Variants in TWIST2 observed in about 807,000 individuals in gnomAD.
TWIST2 encodes twist-related protein 2.
A neutral mutation model predicts 11.6 loss-of-function variants in TWIST2; 1 was observed. The ratio of observed to expected loss-of-function variants is 0.09; its 90% CI spans 0.03 to 0.41. The LOEUF is 0.41. TWIST2 is among the 10% of genes least tolerant of loss of function. The pLI is 0.98. For missense variants in TWIST2, 168 were observed against 226.4 expected (o/e 0.74, Z 1.66); for synonymous variants, 87 against 96.6 (o/e 0.90, Z 0.58).
In TWIST2 at chr2:238,848,654, G is replaced by A; in HGVS notation, c.439G>A (p.Val147Met). The change falls in exon 1 of 2, where the codon GTG (valine) becomes ATG (methionine). Residue 147 changes from valine (V) to methionine (M), a missense_variant. This residue lies in a region of TWIST2 where 62 missense variants were observed against 75.3 expected (regional missense o/e 0.82). Transcript: ENST00000612363. ...AHERLSYAFSVWRMEGAWSMS... is the reference protein window; with the variant it reads ...AHERLSYAFSMWRMEGAWSMS... ...CGAGCGCCTCAGCTACGCCTTCTCC[G>A]TGTGGCGCATGGAGGGCGCGTGGTC... The A allele has an allele frequency of 3.3e-6, 5 of 1,536,654 alleles. No homozygotes were observed. Among genetic ancestry groups the A allele is most frequent in the South Asian group, 1.2e-5 (1 of 84,066 alleles).
At chr2:238,884,369 C>A (rs963219926) in intron 1 of TWIST2, among the ~76,000 whole-genome samples, 1 of 152,252 alleles carries the variant, frequency 6.6e-6, no homozygotes, top group Non-Finnish European at 1.5e-5. Flanking sequence ...GCAAGTGGCA[C>A]AGGTGAGGCC....
chr2:238,848,733 G>A lies in TWIST2; in HGVS notation c.*35G>A. The A allele has an allele frequency of 7.1e-7, 1 of 1,409,110 alleles. No individual in the cohort carries two copies. The highest frequency in any genetic ancestry group is 9.2e-7 in the Non-Finnish European group (1 of 1,086,590). The allele number at this position is 1,409,110 out of a possible 1,614,324, so 87.3% of individuals were successfully genotyped here. ...ACCCACCTCCGGACCGGCGCGCCAG[G>A]GTAGGTGCTGCGCGCGCGACGGGCG... is the stretch of plus-strand genomic sequence containing the variant. On this transcript the variant is annotated splice_region_variant and 3_prime_UTR_variant, in exon 1 of 2. Transcript: ENST00000612363.
At chr2:238,878,827 A>C (rs1344398567) in intron 1 of TWIST2, among the ~76,000 whole-genome samples, 1 of 152,182 alleles carries the variant, frequency 6.6e-6, no homozygotes, top group East Asian at 1.9e-4. Flanking sequence ...TTTCAGCTGG[A>C]AACTCAGTGT....
At position 238,903,043 on chromosome 2, in the gene TWIST2, G is replaced by A. The variant is rs1294135663; in HGVS notation, c.*36-6799G>A. Among the ~76,000 whole-genome samples, 284 of 127,316 alleles carry A rather than the reference G, an allele frequency of 2.2e-3. 14 individuals are homozygous for A. The highest frequency in any genetic ancestry group is 4.0e-3 in the Non-Finnish European group (239 of 60,110). The allele number at this position is 127,316 out of a possible 152,430, so 83.5% of individuals were successfully genotyped here. ...GATGTGGGTGTGTGTGATGTGTGAG[G>A]TGTGTGTGATGTGTGTGTGATGTAG... On this transcript the variant is annotated intron_variant, in intron 1 of 1. Coordinates refer to ENST00000612363, the MANE Select transcript of TWIST2 (RefSeq NM_001271893.4).
intron 1 of TWIST2, among the ~76,000 whole-genome samples, chr2:238,883,453 AC>A (rs1312468793): frequency 1.3e-4 from 20 of 152,212 alleles, no homozygotes; most frequent in African/African-American, 4.6e-4. Context: ...TTGACATTAA[AC>A]AGGAAAAATA....
chr2:238,890,110 G>A (rs1345598353), intron 1 of TWIST2, among the ~76,000 whole-genome samples: 2 of 152,232 alleles, frequency 1.3e-5, no homozygotes, highest in East Asian at 1.9e-4. Flanking sequence ...TGGAGAGCGA[G>A]GTTCACCTGG....
rs138414959 is a variant in TWIST2, at chr2:238,853,916, C to T, written c.*35+5183C>T. 2.8e-3 allele frequency among the ~76,000 whole-genome samples: 428 copies of T among 152,290 alleles called. 2 individuals carry two copies. Among genetic ancestry groups the T allele is most frequent in the African/African-American group, 9.8e-3 (409 of 41,550 alleles). On this transcript the variant is annotated intron_variant, in intron 1 of 1. Coordinates refer to ENST00000612363, the MANE Select transcript of TWIST2 (RefSeq NM_001271893.4). ...CTGTGGTGATGAAGATGAGAGAGCG[C>T]GGCTGCGTGAGCTGAGTGCAGTGTC...
intron 1 of TWIST2, chr2:238,886,946 A>C (rs1693048436): frequency 1.3e-5 from 2 of 152,226 alleles, no homozygotes; most frequent in South Asian, 4.1e-4. Flanking sequence ...CCCAGGACAG[A>C]GATGCCACAA....
At chr2:238,855,219 A>G (rs1355714368) in intron 1 of TWIST2, among the ~76,000 whole-genome samples, 2 of 152,228 alleles carry the variant, frequency 1.3e-5, no homozygotes, top group African/African-American at 4.8e-5. Flanking sequence ...ACATAACAGA[A>G]TAAGGCAGTT....
At chr2:238,892,540 G>C (rs1320472257) in intron 1 of TWIST2, among the ~76,000 whole-genome samples, 2 of 152,060 alleles carry the variant, frequency 1.3e-5, no homozygotes, top group East Asian at 3.9e-4. Flanking sequence ...GAGTGCAGTG[G>C]CGTGATCTCG....
At chr2:238,873,300 G>A (rs1179402639) in intron 1 of TWIST2, among the ~76,000 whole-genome samples, 2 of 152,156 alleles carry the variant, frequency 1.3e-5, no homozygotes, top group Admixed American at 6.5e-5. Flanking sequence ...TGCCATGGGA[G>A]GGGAGGGGAG....
rs1692564627 is a variant in TWIST2, at chr2:238,867,486, T to C, written c.*35+18753T>C. Among the ~76,000 whole-genome samples, 1 of 150,100 alleles carries C rather than the reference T, an allele frequency of 6.7e-6. No individual in the cohort carries two copies. Among genetic ancestry groups the C allele is most frequent in the African/African-American group, 2.5e-5 (1 of 40,640 alleles). ...GGGGCAGGGGCACAATAAAGAGAAG[T>C]CCCAGCCAGCTCCCGGGGTGGTGTG... On this transcript the variant is annotated intron_variant, in intron 1 of 1. Coordinates refer to ENST00000612363, the MANE Select transcript of TWIST2 (RefSeq NM_001271893.4). This position sits in a 1 kb window ranked among gnomAD's most constrained non-coding sequence, Gnocchi z 4.8.
chr2:238,899,762 A>T (rs943197930), intron 1 of TWIST2, among the ~76,000 whole-genome samples: 1 of 152,192 alleles, frequency 6.6e-6, no homozygotes, highest in African/African-American at 2.4e-5. Flanking sequence ...CTAATGTCTT[A>T]GGACTTTTTG....
At chr2:238,851,640 T>C (rs1241405567) in intron 1 of TWIST2, among the ~76,000 whole-genome samples, 1 of 152,152 alleles carries the variant, frequency 6.6e-6, no homozygotes, top group East Asian at 1.9e-4. Flanking sequence ...ATCTAATATA[T>C]GTGAGCCTTT....
intron 1 of TWIST2, among the ~76,000 whole-genome samples, chr2:238,906,354 G>C (rs1009699211): frequency 4.1e-5 from 6 of 147,420 alleles, no homozygotes; most frequent in Admixed American, 1.3e-4. Flanking sequence ...ACTGACACAC[G>C]GACCCACTCA....
intron 1 of TWIST2, among the ~76,000 whole-genome samples, chr2:238,870,150 AC>A (rs1229546247): frequency 8.9e-6 from 1 of 112,498 alleles, no homozygotes; most frequent in Admixed American, 9.4e-5. Context: ...CCCCATACAC[AC>A]CACACCCCAC....
chr2:238,871,676 C>T lies in TWIST2; in HGVS notation c.*35+22943C>T, dbSNP rs897643372. 4.1e-3 allele frequency among the ~76,000 whole-genome samples: 577 copies of T among 142,268 alleles called. 8 individuals are homozygous for T. Among genetic ancestry groups the T allele is most frequent in the African/African-American group, 0.014 (545 of 38,482 alleles). 93.3% of individuals were successfully genotyped at this position (142,268 alleles called of 152,430 possible). A position where few individuals can be genotyped will look rare whatever the true frequency, so the allele number is the denominator to read the frequency against. On this transcript the variant is annotated intron_variant, in intron 1 of 1. Coordinates refer to ENST00000612363, the MANE Select transcript of TWIST2 (RefSeq NM_001271893.4). ...CCCCCCCACACACACCATCACCCCC[C>T]CCCAACACACACACACACACGATGG...
intron 1 of TWIST2, among the ~76,000 whole-genome samples, chr2:238,902,772 GGT>G (rs1249758929): frequency 2.8e-5 from 4 of 143,792 alleles, no homozygotes; most frequent in South Asian, 2.4e-4. Context: ...CGTGATGTGA[GGT>G]GTGTGTGATG....
At chr2:238,897,063 T>C (rs1693215310) in intron 1 of TWIST2, among the ~76,000 whole-genome samples, 1 of 152,140 alleles carries the variant, frequency 6.6e-6, no homozygotes, top group South Asian at 2.1e-4. Flanking sequence ...CTGATTCCCA[T>C]TTGCTTTCAA....
Sources: gnomAD v4.1 joint callset for allele counts (sites outside exome capture counted in the v4.1 genomes callset) on GRCh38, gnomAD v4.1.1 for gene constraint, gnomAD v4.1.1 regional missense constraint, Gnocchi (gnomAD v3.1) non-coding constraint, MANE v1.5 for transcripts, NCBI Gene and HGNC (gene_info 2026-07-23, HGNC 2026-07-21) for gene names.